Variants in AAMDC observed in about 807,000 individuals in gnomAD.
AAMDC encodes mth938 domain-containing protein.
Under a neutral mutation model 15.5 loss-of-function variants are expected in AAMDC, and 16 were observed. The observed-to-expected ratio is 1.03, with a 90% CI of 0.70 to 1.57. The LOEUF (loss-of-function observed/expected upper bound fraction) is 1.57. AAMDC is among the 40% of genes most tolerant of loss of function. The pLI, the probability that AAMDC is intolerant of heterozygous loss-of-function variation, is 0.00. For missense variants in AAMDC, 141 were observed against 144.9 expected, an observed-to-expected ratio of 0.97 and a Z score of 0.14; for synonymous variants, 51 against 51.6, an observed-to-expected ratio of 0.99 and a Z score of 0.05.
chr11:77,899,302 A>C (rs1952672055), intron 5 of AAMDC, among the ~76,000 whole-genome samples: 1 of 152,008 alleles, frequency 6.6e-6, no homozygotes, highest in South Asian at 2.1e-4. Flanking sequence ...TAACTTTCAA[A>C]CCCCTGGAGG....
intron 2 of AAMDC, among the ~76,000 whole-genome samples, chr11:77,857,848 C>A (rs545424322): frequency 6.6e-6 from 1 of 152,164 alleles, no homozygotes; most frequent in African/African-American, 2.4e-5. Flanking sequence ...AGGTGCGCAC[C>A]ACCATGCCCT....
chr11:77,824,831 A>G (rs1949094030), intron 1 of AAMDC, among the ~76,000 whole-genome samples: 1 of 152,240 alleles, frequency 6.6e-6, no homozygotes, highest in African/African-American at 2.4e-5. Flanking sequence ...AACTAAATGC[A>G]ATGCAATTAT....
chr11:77,903,239 T>C (rs568724890), downstream of AAMDC, among the ~76,000 whole-genome samples: 2 of 152,366 alleles, frequency 1.3e-5, no homozygotes, highest in East Asian at 1.9e-4. Flanking sequence ...ACTTCTGTCA[T>C]AGCCTGAAAT....
At chr11:77,867,580 A>G (rs1424271391) in intron 2 of AAMDC, among the ~76,000 whole-genome samples, 6 of 152,214 alleles carry the variant, frequency 3.9e-5, no homozygotes, top group Non-Finnish European at 7.3e-5. Context: ...TGAATGAATG[A>G]AAGGATAGAG....
Position 77,822,498 on chromosome 11 carries a change from T to C in AAMDC, c.-19+1257T>C, listed in dbSNP as rs1948963403. On this transcript the variant is annotated intron_variant, in intron 1 of 3. Transcript: ENST00000393427. ...AGAGAAATCTGTAATTATAGAAAGA[T>C]AAGAAATAGATGGGCAAATAATTAT... Among the ~76,000 whole-genome samples, 3 of 146,748 alleles carry C rather than the reference T, an allele frequency of 2.0e-5. No individual in the cohort carries two copies. In the South Asian group the frequency reaches 6.5e-4, roughly 32 times the overall value.
chr11:77,899,102 G>T (rs777478076), intron 5 of AAMDC, among the ~76,000 whole-genome samples: 4 of 152,110 alleles, frequency 2.6e-5, no homozygotes, highest in Admixed American at 2.0e-4. Flanking sequence ...GGAAGAGATA[G>T]GTACTACTAT....
intron 5 of AAMDC, among the ~76,000 whole-genome samples, chr11:77,896,528 T>G (rs1467278853): frequency 6.6e-6 from 1 of 151,934 alleles, no homozygotes; most frequent in Non-Finnish European, 1.5e-5. Flanking sequence ...GGCGCATGCC[T>G]GTAATCCCAG....
At chr11:77,830,404 G>A (rs940676893) in intron 1 of AAMDC, among the ~76,000 whole-genome samples, 10 of 152,100 alleles carry the variant, frequency 6.6e-5, no homozygotes, top group African/African-American at 1.7e-4. Context: ...GTTATCTATT[G>A]AGAAATCTAG....
rs566245721 is a variant in AAMDC, at chr11:77,900,362, G to A, written c.329-209G>A. On this transcript the variant is annotated intron_variant, in intron 5 of 5. Transcript: ENST00000304716. ...GATCTGCCCACCTTGGCCTCCCAAA[G>A]TGCTGGGATTACAGGTGTGAGCCAC... 7.2e-5 allele frequency among the ~76,000 whole-genome samples: 11 copies of A among 152,300 alleles called. No homozygotes were observed. The South Asian group carries it at 1.0e-3, about 14-fold the overall frequency.
intron 1 of AAMDC, among the ~76,000 whole-genome samples, chr11:77,830,298 CTG>C (rs1949362029): frequency 6.6e-6 from 1 of 152,178 alleles, no homozygotes; most frequent in South Asian, 2.1e-4. Flanking sequence ...AAACAGCAAA[CTG>C]TTTATCATGA....
At chr11:77,848,842 G>A (rs1302506687) in intron 2 of AAMDC, among the ~76,000 whole-genome samples, 1 of 152,102 alleles carries the variant, frequency 6.6e-6, no homozygotes, top group Non-Finnish European at 1.5e-5. Context: ...CTGGAGTGCA[G>A]GGTTGTAATC....
intron 5 of AAMDC, among the ~76,000 whole-genome samples, chr11:77,900,099 TC>T (rs1351121348): frequency 1.4e-5 from 2 of 141,778 alleles, no homozygotes; most frequent in East Asian, 2.0e-4. Context: ...TATATGAATA[TC>T]TTTTTTTTTT....
chr11:77,841,299 A>G (rs866237211), intron 1 of AAMDC: 1 of 696,126 alleles, frequency 1.4e-6, no homozygotes, highest in Middle Eastern at 2.3e-4. Flanking sequence ...CATTCAAACC[A>G]TAGCACTAAA....
intron 1 of AAMDC, chr11:77,841,253 C>T: frequency 1.4e-6 from 1 of 702,248 alleles, no homozygotes; most frequent in Non-Finnish European, 2.6e-6. Flanking sequence ...GTTATAATGG[C>T]AGTTAAATTT....
chr11:77,853,361 C>G (rs1435253826), intron 2 of AAMDC, among the ~76,000 whole-genome samples: 1 of 152,134 alleles, frequency 6.6e-6, no homozygotes, highest in Non-Finnish European at 1.5e-5. Context: ...AACTTACAAT[C>G]ATGGCAGAAG....
downstream of AAMDC, among the ~76,000 whole-genome samples, chr11:77,875,401 A>G (rs1951568357): frequency 6.6e-6 from 1 of 152,208 alleles, no homozygotes; most frequent in South Asian, 2.1e-4. Context: ...TAATTTTAAT[A>G]TTTACTGTAG....
At chr11:77,884,725 T>C (rs866601916) in intron 5 of AAMDC, 34 of 331,846 alleles carry the variant, frequency 1.0e-4, no homozygotes, top group African/African-American at 6.8e-4. Context: ...CCTCAGGTCA[T>C]GGGGCCTCCC....
At chr11:77,883,075 A>AAATAATAATAATAATAAT (rs10687244) in intron 5 of AAMDC, among the ~76,000 whole-genome samples, 163 of 148,324 alleles carry the variant, frequency 1.1e-3, no homozygotes, top group African/African-American at 4.0e-3. Context: ...CTCCGTCTCA[A>AAATAATAATAATAATAAT]AATAATAATA....
At chr11:77,840,838 G>A (rs188321077) in intron 1 of AAMDC, among the ~76,000 whole-genome samples, 1 of 152,244 alleles carries the variant, frequency 6.6e-6, no homozygotes, top group Non-Finnish European at 1.5e-5. Flanking sequence ...ATCCAGCCTG[G>A]CGAAACAACT....
Sources: gnomAD v4.1 joint callset for allele counts (sites outside exome capture counted in the v4.1 genomes callset) on GRCh38, gnomAD v4.1.1 for gene constraint, MANE v1.5 for transcripts, NCBI Gene and HGNC (gene_info 2026-07-23, HGNC 2026-07-21) for gene names.